Variants in TCF12 observed in about 807,000 individuals in gnomAD.
The protein encoded by TCF12 is DNA-binding protein HTF4.
A neutral mutation model predicts 86.0 loss-of-function variants in TCF12; 45 were observed. That is an observed-to-expected ratio of 0.52 (90% CI 0.41 to 0.67). The LOEUF is 0.67. Ranked by LOEUF, TCF12 falls within the 30% of genes least tolerant of loss-of-function variation. The pLI is 0.00. For missense variants in TCF12, 881 were observed against 859.9 expected, an observed-to-expected ratio of 1.02 and a Z score of -0.31; for synonymous variants, 330 against 299.6, an observed-to-expected ratio of 1.10 and a Z score of -1.05.
chr15:57,077,991 T>G (rs1421348951), intron 4 of TCF12, among the ~76,000 whole-genome samples: 1 of 152,188 alleles, frequency 6.6e-6, no homozygotes, highest in Non-Finnish European at 1.5e-5. Context: ...TAGGTTAATA[T>G]AGGTTAAATT....
At chr15:57,071,466 A>C (rs1323698157) in intron 4 of TCF12, among the ~76,000 whole-genome samples, 4 of 152,062 alleles carry the variant, frequency 2.6e-5, no homozygotes, top group African/African-American at 9.7e-5. Context: ...GCAACATGGC[A>C]AAACCCCATC....
chr15:56,980,451 G>A (rs1200815969), intron 3 of TCF12, among the ~76,000 whole-genome samples: 1 of 152,154 alleles, frequency 6.6e-6, no homozygotes, highest in Admixed American at 6.6e-5. Context: ...TGGAAGAAGA[G>A]GATGGCCCCA....
chr15:56,941,972 A>T (rs545049906), intron 3 of TCF12, among the ~76,000 whole-genome samples: 3 of 152,162 alleles, frequency 2.0e-5, no homozygotes, highest in African/African-American at 7.2e-5. Context: ...CTGTGTCTCA[A>T]TCCTCATATG....
At chr15:57,218,851 C>T (rs923357528) in intron 8 of TCF12, among the ~76,000 whole-genome samples, 3 of 151,938 alleles carry the variant, frequency 2.0e-5, no homozygotes, top group Non-Finnish European at 2.9e-5. Context: ...TTCAGTTTTC[C>T]TCAACATAAT....
intron 3 of TCF12, among the ~76,000 whole-genome samples, chr15:56,979,993 T>A (rs1363712076): frequency 5.9e-5 from 9 of 152,204 alleles, no homozygotes; most frequent in African/African-American, 2.2e-4. Context: ...GAATGTAGAA[T>A]AGATGAAGCT....
chr15:56,969,555 T>TTG (rs2062182585), intron 3 of TCF12, among the ~76,000 whole-genome samples: 1 of 145,616 alleles, frequency 6.9e-6, no homozygotes, highest in African/African-American at 2.5e-5. Context: ...TTTTTTTTTT[T>TTG]GAGACGAGAT....
At chr15:57,265,206 T>C (rs187029246) in intron 18 of TCF12, among the ~76,000 whole-genome samples, 2 of 151,986 alleles carry the variant, frequency 1.3e-5, no homozygotes, top group East Asian at 1.9e-4. Flanking sequence ...AGAACATCAT[T>C]TTGTGAAATG....
intron 8 of TCF12, among the ~76,000 whole-genome samples, chr15:57,213,807 T>C (rs189023933): frequency 6.6e-6 from 1 of 152,356 alleles, no homozygotes; most frequent in East Asian, 1.9e-4. Flanking sequence ...TTTTGAATGA[T>C]AGCTTTGTTT....
intron 3 of TCF12, among the ~76,000 whole-genome samples, chr15:57,041,792 T>C (rs555510188): frequency 1.3e-5 from 2 of 152,232 alleles, no homozygotes; most frequent in African/African-American, 4.8e-5. Context: ...TGGAAATTTA[T>C]AGTAGCCACT....
chr15:57,099,300 C>T (rs960633794), intron 5 of TCF12, among the ~76,000 whole-genome samples: 4 of 152,102 alleles, frequency 2.6e-5, no homozygotes, highest in African/African-American at 9.7e-5. Flanking sequence ...GTAATACTAA[C>T]GCCTTAGTTT....
chr15:57,136,970 G>GTTTTTT (rs1402740121), intron 5 of TCF12, among the ~76,000 whole-genome samples: 1 of 40,830 alleles, frequency 2.4e-5, no homozygotes, highest in African/African-American at 8.5e-5. Flanking sequence ...TTTTTTTTTT[G>GTTTTTT]TTTTTTTTTT....
At chr15:57,203,543 A>T (rs552792911) in intron 8 of TCF12, among the ~76,000 whole-genome samples, 57 of 152,202 alleles carry the variant, frequency 3.7e-4, no homozygotes, top group Non-Finnish European at 7.5e-4. Context: ...GCAATTGAAA[A>T]TACCTTTTTC....
At chr15:57,079,324 T>C (rs965963782) in intron 4 of TCF12, among the ~76,000 whole-genome samples, 2 of 152,168 alleles carry the variant, frequency 1.3e-5, no homozygotes, top group African/African-American at 2.4e-5. Flanking sequence ...TTTCATACCA[T>C]GTTATATGAA....
intron 5 of TCF12, among the ~76,000 whole-genome samples, chr15:57,107,468 A>G (rs557032361): frequency 6.6e-5 from 10 of 152,290 alleles, no homozygotes; most frequent in Admixed American, 2.0e-4. Flanking sequence ...CAGTGAAACT[A>G]CTCTGTATAA....
intron 8 of TCF12, among the ~76,000 whole-genome samples, chr15:57,204,805 G>A (rs928671860): frequency 2.6e-5 from 4 of 152,030 alleles, no homozygotes; most frequent in African/African-American, 9.7e-5. Context: ...AACTTTCTGG[G>A]ATGGGTGGAA....
chr15:57,145,486 TA>T (rs1341928474), intron 5 of TCF12, among the ~76,000 whole-genome samples: 99 of 149,678 alleles, frequency 6.6e-4, no homozygotes, highest in African/African-American at 1.3e-3. Flanking sequence ...TTGAAATATG[TA>T]AAAAAAAAAT....
At chr15:57,051,241 G>A (rs1310454404) in intron 3 of TCF12, among the ~76,000 whole-genome samples, 2 of 152,168 alleles carry the variant, frequency 1.3e-5, no homozygotes. Flanking sequence ...CTCTGCTGTG[G>A]TGCCCAGCAT....
intron 3 of TCF12, among the ~76,000 whole-genome samples, chr15:57,025,457 A>G (rs2065770772): frequency 6.6e-6 from 1 of 151,946 alleles, no homozygotes; most frequent in African/African-American, 2.4e-5. Flanking sequence ...TTTCTTATCT[A>G]TGCACCTGAA....
In TCF12 at chr15:57,248,114, T is replaced by TTTTAAAAATAA. The variant is rs766964434; in HGVS notation, c.1115-3227_1115-3226insAATTTAAAAAT. 10 of 702,350 alleles carry TTTTAAAAATAA rather than the reference T, an allele frequency of 1.4e-5. No individual in the cohort carries two copies. In the South Asian group the frequency reaches 1.5e-4, roughly 10 times the overall value. The allele number at this position is 702,350 out of a possible 1,614,324, so 43.5% of individuals were successfully genotyped here. On this transcript the variant is annotated intron_variant, in intron 13 of 20. Coordinates refer to ENST00000333725, the MANE Select transcript of TCF12 (RefSeq NM_207037.2). ...ATCCCATCTCTTTCTTTTGAGAGTCTTTTAAAAATTATTTTAAGGATCCTT... is the reference window on the plus strand; with the variant it reads ...ATCCCATCTCTTTCTTTTGAGAGTCTTTTAAAAATAATTTAAAAATTATTTTAAGGATCCTT...
Sources: allele counts gnomAD v4.1 joint callset (sites outside exome capture counted in the v4.1 genomes callset), GRCh38; gene constraint gnomAD v4.1.1; transcripts MANE v1.5; gene names NCBI Gene and HGNC (gene_info 2026-07-23, HGNC 2026-07-21).